Variants in COL6A2 observed in about 807,000 individuals in gnomAD.
COL6A2 encodes the protein collagen alpha-2(VI) chain.
Under a neutral mutation model 124.9 loss-of-function variants are expected in COL6A2, and 90 were observed. The observed-to-expected ratio is 0.72, with a 90% CI of 0.61 to 0.86. The LOEUF (loss-of-function observed/expected upper bound fraction) is 0.86, where lower values mean the gene tolerates loss of function less well. Among genes scored for constraint, COL6A2 ranks in the 40% least tolerant of loss-of-function variants. The pLI is 0.00. For missense variants in COL6A2, 1,607 were observed against 1,502.5 expected (o/e 1.07, Z -1.15); for synonymous variants, 793 against 618.2 (o/e 1.28, Z -4.19).
intron 27 of COL6A2, chr21:46,129,270 A>C (rs1336400865): frequency 6.2e-7 from 1 of 1,612,880 alleles, no homozygotes. Flanking sequence ...CACCTTCCCC[A>C]GGACCATTCC....
At chr21:46,098,372 G>A (rs1056318550) in intron 1 of COL6A2, among the ~76,000 whole-genome samples, 199 bp downstream of exon 1, 17 of 151,900 alleles carry the variant, frequency 1.1e-4, no homozygotes, top group African/African-American at 3.6e-4. Context: ...CTGTGGCTCC[G>A]CGTCTCTGGG....
At chr21:46,106,467 A>T (rs193013774) in intron 1 of COL6A2, among the ~76,000 whole-genome samples, 2 of 152,248 alleles carry the variant, frequency 1.3e-5, no homozygotes, top group East Asian at 3.8e-4. Context: ...GTCCAAGGCC[A>T]TAAGTCCAAT....
At chr21:46,124,414 C>T (rs947554822) in intron 21 of COL6A2, among the ~76,000 whole-genome samples, 37 of 152,138 alleles carry the variant, frequency 2.4e-4, no homozygotes, top group Admixed American at 6.5e-4. Flanking sequence ...ACACCCAGCT[C>T]TGCCAGGCCC....
chr21:46,129,928 TGAGG>T (rs1178270446), intron 27 of COL6A2: 4 of 796,294 alleles, frequency 5.0e-6, no homozygotes, highest in Non-Finnish European at 6.1e-6. Flanking sequence ...GGGATGGGGC[TGAGG>T]GAGGGTGCTG....
At chr21:46,111,142 G>A (rs899777946) in intron 1 of COL6A2, among the ~76,000 whole-genome samples, 8 of 152,022 alleles carry the variant, frequency 5.3e-5, no homozygotes, top group Non-Finnish European at 8.8e-5. Context: ...CCATGCCGAC[G>A]CGCCCAGCTA....
intron 26 of COL6A2, 34 bp from the exon 27 acceptor site, chr21:46,126,469 C>T: frequency 6.2e-7 from 1 of 1,612,154 alleles, no homozygotes; most frequent in Non-Finnish European, 8.5e-7. Context: ...AGGGACTGAC[C>T]CTGGCCTGGC....
Position 46,122,851 on chromosome 21 carries a change from G to A in COL6A2, c.1609-24G>A, listed in dbSNP as rs752394535. The A allele has an allele frequency of 3.7e-6, 6 of 1,610,588 alleles. No individual in the cohort carries two copies. In the East Asian group the frequency reaches 1.3e-4, roughly 36 times the overall value. ...GGTAGAGACAGCTCCTCTGTCCCAG[G>A]CTAACATGTGTTCCCTGTCACAGGG... On this transcript the variant is annotated intron_variant, in intron 20 of 27. Transcript: ENST00000300527.
chr21:46,119,722 C>A, intron 14 of COL6A2, 66 bp from the exon 15 acceptor site: 1 of 1,440,202 alleles, frequency 6.9e-7, no homozygotes, highest in Non-Finnish European at 9.5e-7. Flanking sequence ...GGCACAGCCC[C>A]CACCCTCCAC....
rs928647545 is a variant in COL6A2 at position 46,116,568 on chromosome 21, C to T, written c.928-83C>T. On this transcript the variant is annotated intron_variant, in intron 8 of 27. Coordinates refer to ENST00000300527, the MANE Select transcript of COL6A2 (RefSeq NM_001849.4). This position sits in a 1 kb window ranked among gnomAD's most constrained non-coding sequence, Gnocchi z 4.6. ...GGGTCCTGTGGCCTTGAGTTTGGCC[C>T]AAGGGCTTTGCCCCCCAGAGGCAGC... is the stretch of plus-strand genomic sequence containing the variant. The T allele has an allele frequency of 2.1e-4, 330 of 1,602,796 alleles. No homozygotes were observed. The highest frequency in any genetic ancestry group is 1.1e-3 in the Middle Eastern group (6 of 5,612).
chr21:46,124,150 G>A (rs2078619914), intron 21 of COL6A2, among the ~76,000 whole-genome samples: 1 of 150,704 alleles, frequency 6.6e-6, no homozygotes, highest in African/African-American at 2.4e-5. Flanking sequence ...TAAGTGAGTG[G>A]ATAGATAGAT....
intron 27 of COL6A2, among the ~76,000 whole-genome samples, chr21:46,127,386 T>C (rs2078688614): frequency 6.6e-6 from 1 of 152,058 alleles, no homozygotes; most frequent in Non-Finnish European, 1.5e-5. Flanking sequence ...ACTGAGCACA[T>C]TCACAGGCCC....
chr21:46,116,884 G>A lies in COL6A2; in HGVS notation c.999+70G>A. 2 of 1,492,768 alleles carry A rather than the reference G, an allele frequency of 1.3e-6. No individual in the cohort carries two copies. Among genetic ancestry groups the A allele is most frequent in the Admixed American group, 1.7e-5 (1 of 59,054 alleles). 92.5% of individuals were successfully genotyped at this position (1,492,768 alleles called of 1,614,324 possible). On this transcript the variant is annotated intron_variant, in intron 10 of 27. Transcript: ENST00000300527. The surrounding 1 kb of genome is among the most constrained non-coding windows in gnomAD (Gnocchi z 4.6). ...CATCCCAGCCTCTGCAGGGCCCCCA[G>A]ATCCAGCCTGATCTGTCAGCTTACA... is the stretch of plus-strand genomic sequence containing the variant.
At chr21:46,121,506 A>C in intron 17 of COL6A2, 50 bp from the exon 18 acceptor site, 2 of 1,574,390 alleles carry the variant, frequency 1.3e-6, no homozygotes, top group Non-Finnish European at 1.7e-6. Context: ...ACCCCTGGGC[A>C]TGGCCAGTCC....
intron 27 of COL6A2, among the ~76,000 whole-genome samples, chr21:46,130,281 G>C (rs535590389): frequency 1.3e-5 from 2 of 152,218 alleles, no homozygotes. Context: ...GCATCCACCA[G>C]GCACAACCTC....
chr21:46,127,428 CAG>C (rs1174450822), intron 27 of COL6A2, among the ~76,000 whole-genome samples: 1 of 152,160 alleles, frequency 6.6e-6, no homozygotes, highest in Non-Finnish European at 1.5e-5. Context: ...GCCGTGGACT[CAG>C]AGCCGAGGTT....
At position 46,119,929 on chromosome 21, in the gene COL6A2, C is replaced by T; in HGVS notation, c.1332+79C>T. The T allele has an allele frequency of 3.1e-6, 4 of 1,289,394 alleles. No homozygotes were observed. In the South Asian group the frequency reaches 3.8e-5, roughly 12 times the overall value. 79.9% of individuals were successfully genotyped at this position (1,289,394 alleles called of 1,614,324 possible). A position where few individuals can be genotyped will look rare whatever the true frequency, so the allele number is the denominator to read the frequency against. On this transcript the variant is annotated intron_variant, in intron 15 of 27. Coordinates refer to ENST00000300527, the MANE Select transcript of COL6A2 (RefSeq NM_001849.4). ...TGCTGACGAGGGCCCCAACCCCATT[C>T]CTCCCAGAGAACAACAGAACCCCAG... is the stretch of plus-strand genomic sequence containing the variant.
intron 1 of COL6A2, among the ~76,000 whole-genome samples, chr21:46,105,455 G>A (rs1225414143): frequency 4.6e-5 from 7 of 152,188 alleles, no homozygotes; most frequent in African/African-American, 1.7e-4. Flanking sequence ...TAATATTGCT[G>A]TAACAATGGT....
intron 1 of COL6A2, among the ~76,000 whole-genome samples, chr21:46,103,215 C>T (rs1272401480): frequency 1.3e-5 from 2 of 152,054 alleles, no homozygotes; most frequent in Non-Finnish European, 2.9e-5. Flanking sequence ...CATATAGTTG[C>T]TTATAGTACA....
intron 21 of COL6A2, among the ~76,000 whole-genome samples, chr21:46,124,225 A>G (rs2078622720): frequency 6.8e-6 from 1 of 147,608 alleles, no homozygotes; most frequent in Non-Finnish European, 1.5e-5. Context: ...TGGATGGATG[A>G]TGGATGGGTG....
Sources: allele counts gnomAD v4.1 joint callset (sites outside exome capture counted in the v4.1 genomes callset), GRCh38; gene constraint gnomAD v4.1.1; non-coding constraint Gnocchi (gnomAD v3.1); transcripts MANE v1.5; gene names NCBI Gene and HGNC (gene_info 2026-07-23, HGNC 2026-07-21).